PPARA: variants seen among roughly 807,000 people sequenced by gnomAD.
PPARA encodes the protein peroxisome proliferator activated receptor alpha, also known as peroxisome proliferator-activated receptor alpha.
PPARA carries 22 observed loss-of-function variants against 42.2 expected under a neutral mutation model. That is an observed-to-expected ratio of 0.52 (90% CI 0.37 to 0.74). The LOEUF is 0.74. PPARA is among the 30% of genes least tolerant of loss of function. The pLI, the probability that PPARA is intolerant of heterozygous loss-of-function variation, is 0.00. For missense variants in PPARA, 465 were observed against 608.2 expected, an observed-to-expected ratio of 0.76 and a Z score of 2.48; for synonymous variants, 242 against 239.3, an observed-to-expected ratio of 1.01 and a Z score of -0.10.
At chr22:46,205,717 C>T (rs1933237113) in intron 4 of PPARA, among the ~76,000 whole-genome samples, 1 of 150,960 alleles carries the variant, frequency 6.6e-6, no homozygotes, top group South Asian at 2.1e-4. Context: ...CAGGCATGTG[C>T]TACCAGGCCC....
chr22:46,179,223 T>C (rs1340473470), intron 3 of PPARA, among the ~76,000 whole-genome samples: 2 of 152,162 alleles, frequency 1.3e-5, no homozygotes, highest in East Asian at 1.9e-4. Flanking sequence ...CACATGAAAT[T>C]TGGGGGATAC....
rs1324065610 is a variant in PPARA at position 46,240,540 on chromosome 22, A to T, written c.*5160A>T. The T allele has an allele frequency of 6.6e-6, 2 of 304,810 alleles. No individual in the cohort carries two copies. Among genetic ancestry groups the T allele is most frequent in the Admixed American group, 1.0e-4 (2 of 19,724 alleles). 18.9% of individuals were successfully genotyped at this position (304,810 alleles called of 1,614,324 possible). A position where few individuals can be genotyped will look rare whatever the true frequency, so the allele number is the denominator to read the frequency against. On this transcript the variant is annotated 3_prime_UTR_variant, in exon 9 of 9. Coordinates refer to ENST00000407236, the MANE Select transcript of PPARA (RefSeq NM_005036.6). This position sits in a 1 kb window ranked among gnomAD's most constrained non-coding sequence, Gnocchi z 6.0. ...GGGATTACTTTTTAGACCTTCTTTC[A>T]CATTCAGAAAAGTAGTATAGATTCA... is the stretch of plus-strand genomic sequence containing the variant.
intron 5 of PPARA, among the ~76,000 whole-genome samples, chr22:46,217,354 A>G (rs547357767): frequency 1.3e-5 from 2 of 152,334 alleles, no homozygotes; most frequent in Non-Finnish European, 2.9e-5. Context: ...TTCTAACCAT[A>G]TACCTTTGAA....
intron 3 of PPARA, among the ~76,000 whole-genome samples, chr22:46,181,659 G>A (rs1023477426): frequency 1.3e-5 from 2 of 152,162 alleles, no homozygotes; most frequent in African/African-American, 4.8e-5. Flanking sequence ...CCAGCCGAGG[G>A]TACAATAAAT....
rs1216628916 is a variant in PPARA, at chr22:46,196,922, C to T, written c.-42-1420C>T. ...ATTTTTAGTAGAGACAGAGTTTCAT[C>T]ATGTTGGTCAAGCTGCCCTCCAACT... On this transcript the variant is annotated intron_variant, in intron 3 of 8. Coordinates refer to ENST00000407236, the MANE Select transcript of PPARA (RefSeq NM_005036.6). This position sits in a 1 kb window ranked among gnomAD's most constrained non-coding sequence, Gnocchi z 5.6. Among the ~76,000 whole-genome samples, 1 of 151,868 alleles carries T rather than the reference C, an allele frequency of 6.6e-6. No individual in the cohort carries two copies. Among genetic ancestry groups the T allele is most frequent in the Non-Finnish European group, 1.5e-5 (1 of 68,014 alleles).
At chr22:46,158,217 G>A (rs1267701757) in intron 2 of PPARA, among the ~76,000 whole-genome samples, 4 of 152,146 alleles carry the variant, frequency 2.6e-5, no homozygotes, top group Non-Finnish European at 5.9e-5. Context: ...GACCAGCCTG[G>A]CCATCATGGT....
At position 46,191,057 on chromosome 22, in the gene PPARA, G is replaced by T. The variant is rs1931469381; in HGVS notation, c.-42-7285G>T. ...ATATACAAAAAATTAGCCGGGCGTG[G>T]TGGTGTGTGCCTGTAGTCCCAGCTA... On this transcript the variant is annotated intron_variant, in intron 3 of 8. Coordinates refer to ENST00000407236, the MANE Select transcript of PPARA (RefSeq NM_005036.6). The surrounding 1 kb of genome is among the most constrained non-coding windows in gnomAD (Gnocchi z 4.6). Among the ~76,000 whole-genome samples, 1 of 152,240 alleles carries T rather than the reference G, an allele frequency of 6.6e-6. No individual in the cohort carries two copies. The highest frequency in any genetic ancestry group is 1.5e-5 in the Non-Finnish European group (1 of 68,006).
rs1936282110 is a variant in PPARA at position 46,238,577 on chromosome 22, A to G, written c.*3197A>G. 1 of 152,344 alleles carries G rather than the reference A, an allele frequency of 6.6e-6. No individual in the cohort carries two copies. The highest frequency in any genetic ancestry group is 2.4e-5 in the African/African-American group (1 of 41,590). The allele number at this position is 152,344 out of a possible 1,614,324, so 9.4% of individuals were successfully genotyped here. On this transcript the variant is annotated 3_prime_UTR_variant, in exon 9 of 9. Transcript: ENST00000407236. This position sits in a 1 kb window ranked among gnomAD's most constrained non-coding sequence, Gnocchi z 8.3. ...TTCATTTTCTCAACTTTTAATAGCAAAAAGTGCCAAAGTCCTCAGAGACCT... is the reference window on the plus strand; with the variant it reads ...TTCATTTTCTCAACTTTTAATAGCAGAAAGTGCCAAAGTCCTCAGAGACCT...
rs1476034212 is a variant in PPARA at position 46,187,413 on chromosome 22, A to G, written c.-43+10577A>G. On this transcript the variant is annotated intron_variant, in intron 3 of 8. Coordinates refer to ENST00000407236, the MANE Select transcript of PPARA (RefSeq NM_005036.6). This position sits in a 1 kb window ranked among gnomAD's most constrained non-coding sequence, Gnocchi z 4.9. ...ATACATTCATCCTAGACTCTGTCCC[A>G]GGTCCCTGGTCCAGGCAGCTGCCAG... Among the ~76,000 whole-genome samples the G allele has an allele frequency of 1.3e-5, 2 of 152,212 alleles. No individual in the cohort carries two copies. The highest frequency in any genetic ancestry group is 2.9e-5 in the Non-Finnish European group (2 of 68,032).
rs577647810 is a variant in PPARA, at chr22:46,195,963, C to T, written c.-42-2379C>T. On this transcript the variant is annotated intron_variant, in intron 3 of 8. Coordinates refer to ENST00000407236, the MANE Select transcript of PPARA (RefSeq NM_005036.6). The surrounding 1 kb of genome is among the most constrained non-coding windows in gnomAD (Gnocchi z 4.6). ...CCGAGGCAGAGCCTCTAGAAGGCAG[C>T]GGTGGGCAGGGCGGTTCAGGCAGGT... Among the ~76,000 whole-genome samples the T allele has an allele frequency of 2.6e-5, 4 of 152,252 alleles. No homozygotes were observed. Among genetic ancestry groups the T allele is most frequent in the South Asian group, 2.1e-4 (1 of 4,814 alleles).
chr22:46,210,198 A>C (rs149299081), intron 4 of PPARA, among the ~76,000 whole-genome samples: 4,190 of 150,956 alleles, frequency 0.028, 207 homozygotes, highest in African/African-American at 0.096. Context: ...AATCCCAGCT[A>C]CTTGGGAGGC....
chr22:46,224,637 G>T lies in PPARA; in HGVS notation c.711+4623G>T, dbSNP rs2147634634. Among the ~76,000 whole-genome samples the T allele has an allele frequency of 6.6e-6, 1 of 152,236 alleles. No individual in the cohort carries two copies. Among genetic ancestry groups the T allele is most frequent in the African/African-American group, 2.4e-5 (1 of 41,556 alleles). On this transcript the variant is annotated intron_variant, in intron 7 of 8. Coordinates refer to ENST00000407236, the MANE Select transcript of PPARA (RefSeq NM_005036.6). The surrounding 1 kb of genome is among the most constrained non-coding windows in gnomAD (Gnocchi z 5.7). ...GGCGGCTGACTTCATTTCTGTTTGGGGATGAGAGGCGGCACAGTAAACTGT... is the reference window on the plus strand; with the variant it reads ...GGCGGCTGACTTCATTTCTGTTTGGTGATGAGAGGCGGCACAGTAAACTGT...
At chr22:46,198,850 G>A (rs987643307) in intron 4 of PPARA, among the ~76,000 whole-genome samples, 10 of 151,886 alleles carry the variant, frequency 6.6e-5, no homozygotes, top group African/African-American at 1.4e-4. Flanking sequence ...TAATAGAGAC[G>A]GGGTTTCACT....
rs1351962230 is a variant in PPARA, at chr22:46,184,993, T to A, written c.-43+8157T>A. Among the ~76,000 whole-genome samples, 2 of 152,232 alleles carry A rather than the reference T, an allele frequency of 1.3e-5. No homozygotes were observed. The highest frequency in any genetic ancestry group is 2.9e-5 in the Non-Finnish European group (2 of 68,038). On this transcript the variant is annotated intron_variant, in intron 3 of 8. Coordinates refer to ENST00000407236, the MANE Select transcript of PPARA (RefSeq NM_005036.6). This position sits in a 1 kb window ranked among gnomAD's most constrained non-coding sequence, Gnocchi z 4.4. Reference sequence around the variant, plus strand: ...GTGACCATCTGTGTGTGTGTATTCATCCATTCCATGGAGTCCCTGCTGGGC... The same window carrying A: ...GTGACCATCTGTGTGTGTGTATTCAACCATTCCATGGAGTCCCTGCTGGGC...
At chr22:46,217,755 A>G (rs912028914) in intron 5 of PPARA, among the ~76,000 whole-genome samples, 3 of 151,494 alleles carry the variant, frequency 2.0e-5, no homozygotes, top group Non-Finnish European at 4.4e-5. Flanking sequence ...CATTAAATGT[A>G]ACGACATTTA....
intron 3 of PPARA, among the ~76,000 whole-genome samples, chr22:46,178,699 G>A (rs1367430678): frequency 2.6e-5 from 4 of 152,178 alleles, no homozygotes; most frequent in African/African-American, 4.8e-5. Context: ...AGGATTAGAA[G>A]GAACAGTGCC....
intron 3 of PPARA, among the ~76,000 whole-genome samples, chr22:46,186,550 A>G (rs751399722): frequency 3.3e-5 from 5 of 152,112 alleles, no homozygotes; most frequent in Non-Finnish European, 7.4e-5. Flanking sequence ...GACATCTCGA[A>G]CCACCTGGCC....
chr22:46,168,351 C>CAAAAAAAAAA (rs35345592), intron 2 of PPARA, among the ~76,000 whole-genome samples: 147 of 14,384 alleles, frequency 0.01, 20 homozygotes, highest in East Asian at 0.016. Flanking sequence ...GACTCCATCT[C>CAAAAAAAAAA]AAAAAAAAAA....
chr22:46,166,280 A>T (rs988497155), intron 2 of PPARA, among the ~76,000 whole-genome samples: 1 of 151,970 alleles, frequency 6.6e-6, no homozygotes, highest in African/African-American at 2.4e-5. Context: ...GGTTTTGTCT[A>T]CTCTTTGTCT....
Sources: allele counts gnomAD v4.1 joint callset (sites outside exome capture counted in the v4.1 genomes callset), GRCh38; gene constraint gnomAD v4.1.1; non-coding constraint Gnocchi (gnomAD v3.1); transcripts MANE v1.5; gene names NCBI Gene and HGNC (gene_info 2026-07-23, HGNC 2026-07-21).